PDE4B: variants seen among roughly 807,000 people sequenced by gnomAD.
PDE4B encodes 3',5'-cyclic-AMP phosphodiesterase 4B.
In PDE4B, 20 loss-of-function variants were observed where a neutral mutation model predicts 82.2. The observed-to-expected ratio is 0.24, with a 90% CI of 0.17 to 0.35. PDE4B has a LOEUF of 0.35. Among genes scored for constraint, PDE4B ranks in the 10% least tolerant of loss-of-function variants. PDE4B has a pLI of 1.00. For missense variants in PDE4B, 655 were observed against 907.2 expected, an observed-to-expected ratio of 0.72 and a Z score of 3.57; for synonymous variants, 320 against 318.9, an observed-to-expected ratio of 1.00 and a Z score of -0.04.
chr1:65,840,281 A>C (rs999200680), intron 1 of PDE4B, among the ~76,000 whole-genome samples: 8 of 152,182 alleles, frequency 5.3e-5, no homozygotes, highest in African/African-American at 1.9e-4. Flanking sequence ...TTGGACCAAG[A>C]CATCATATTC....
chr1:65,995,520 A>G (rs1171354470), intron 3 of PDE4B, among the ~76,000 whole-genome samples: 4 of 152,174 alleles, frequency 2.6e-5, no homozygotes, highest in Admixed American at 6.6e-5. Flanking sequence ...TCCAATGAAT[A>G]TAGATGGCTC....
chr1:66,164,117 T>C (rs1646671687), intron 3 of PDE4B, among the ~76,000 whole-genome samples: 1 of 152,216 alleles, frequency 6.6e-6, no homozygotes, highest in South Asian at 2.1e-4. Context: ...CAACAAGACA[T>C]GCTTTAGTAG....
At chr1:65,924,685 A>G (rs1341567133) in intron 3 of PDE4B, among the ~76,000 whole-genome samples, 1 of 152,162 alleles carries the variant, frequency 6.6e-6, no homozygotes, top group Non-Finnish European at 1.5e-5. Flanking sequence ...TACTGTAGTC[A>G]TGCATATGGG....
intron 3 of PDE4B, among the ~76,000 whole-genome samples, chr1:65,995,669 T>A (rs564342170): frequency 3.3e-5 from 5 of 152,208 alleles, no homozygotes; most frequent in Non-Finnish European, 7.3e-5. Flanking sequence ...AAGTACTTTA[T>A]TTTTGCCTCT....
intron 1 of PDE4B, among the ~76,000 whole-genome samples, chr1:65,890,798 A>C (rs141594560): frequency 1.1e-4 from 16 of 152,152 alleles, no homozygotes; most frequent in African/African-American, 3.9e-4. Flanking sequence ...CTGCAGTTCT[A>C]TATCCTCAGT....
chr1:65,892,431 C>T (rs923875902), intron 1 of PDE4B, among the ~76,000 whole-genome samples: 1 of 152,064 alleles, frequency 6.6e-6, no homozygotes, highest in Non-Finnish European at 1.5e-5. Flanking sequence ...AAGGGAATCA[C>T]CAAGCAAAAC....
chr1:65,895,619 G>T (rs1237561470), intron 1 of PDE4B, among the ~76,000 whole-genome samples: 1 of 149,696 alleles, frequency 6.7e-6, no homozygotes, highest in Non-Finnish European at 1.5e-5. Context: ...AACATTGACC[G>T]TGTTTCTCAC....
chr1:65,929,740 G>A lies in PDE4B; in HGVS notation c.281+10905G>A, dbSNP rs558324605. On this transcript the variant is annotated intron_variant, in intron 3 of 16. Coordinates refer to ENST00000341517, the MANE Select transcript of PDE4B (RefSeq NM_002600.4). The stretch of plus-strand genomic sequence containing the variant: ...CATATGGTCAAAGGTATTATGTATA[G>A]AGTCACTAAACTCCTTGCCTCTCAT... Among the ~76,000 whole-genome samples, 5 of 152,266 alleles carry A rather than the reference G, an allele frequency of 3.3e-5. No individual in the cohort carries two copies. The South Asian group carries it at 1.0e-3, about 32-fold the overall frequency.
rs140386424 is a variant in PDE4B at position 66,265,172 on chromosome 1, A to G, written c.585-866A>G. Among the ~76,000 whole-genome samples, 21 of 152,244 alleles carry G rather than the reference A, an allele frequency of 1.4e-4. 1 individual carries two copies. Among genetic ancestry groups the G allele is most frequent in the Middle Eastern group, 3.4e-3 (1 of 294 alleles). On this transcript the variant is annotated intron_variant, in intron 6 of 16. Coordinates refer to ENST00000341517, the MANE Select transcript of PDE4B (RefSeq NM_002600.4). The stretch of plus-strand genomic sequence containing the variant: ...CCATCCCAGGCCTACTGAATCAGCA[A>G]CTCTGGGGGTAGGGCCCAGCAGTGT...
intron 3 of PDE4B, among the ~76,000 whole-genome samples, chr1:65,980,905 C>T (rs973744969): frequency 6.6e-6 from 1 of 151,976 alleles, no homozygotes; most frequent in Non-Finnish European, 1.5e-5. Flanking sequence ...TCTCTTGCCT[C>T]TAAATTTTCT....
At chr1:65,882,715 T>C (rs1025345269) in intron 1 of PDE4B, among the ~76,000 whole-genome samples, 14 of 151,242 alleles carry the variant, frequency 9.3e-5, no homozygotes, top group African/African-American at 3.4e-4. Flanking sequence ...TGTACAGGGA[T>C]CAATTCATAG....
At chr1:65,983,732 C>T (rs1233492034) in intron 3 of PDE4B, among the ~76,000 whole-genome samples, 1 of 152,130 alleles carries the variant, frequency 6.6e-6, no homozygotes, top group Non-Finnish European at 1.5e-5. Context: ...AGTCTAGCTT[C>T]CAGAACAGTG....
At position 66,139,929 on chromosome 1, in the gene PDE4B, G is replaced by A. The variant is rs866236900; in HGVS notation, c.282-107531G>A. Among the ~76,000 whole-genome samples the A allele has an allele frequency of 2.0e-5, 3 of 152,204 alleles. No homozygotes were observed. In the South Asian group the frequency reaches 6.2e-4, roughly 32 times the overall value. ...GTTAGACCATTCTTTACCTATATGA[G>A]GTACTTAGTAAATAGTAGCTGCTGT... On this transcript the variant is annotated intron_variant, in intron 3 of 16. Coordinates refer to ENST00000341517, the MANE Select transcript of PDE4B (RefSeq NM_002600.4).
chr1:66,347,493 T>C (rs1361610126), intron 8 of PDE4B, among the ~76,000 whole-genome samples: 4 of 152,182 alleles, frequency 2.6e-5, no homozygotes, highest in African/African-American at 7.2e-5. Context: ...AAACAGATAA[T>C]AATATATATG....
At chr1:65,980,924 AAAAAT>A (rs1451731579) in intron 3 of PDE4B, among the ~76,000 whole-genome samples, 2 of 152,200 alleles carry the variant, frequency 1.3e-5, no homozygotes, top group African/African-American at 4.8e-5. Flanking sequence ...CTAAATTACC[AAAAAT>A]AAAATAAAAG....
intron 1 of PDE4B, among the ~76,000 whole-genome samples, chr1:65,849,275 G>T (rs1468184955): frequency 6.6e-6 from 1 of 152,166 alleles, no homozygotes; most frequent in Non-Finnish European, 1.5e-5. Context: ...GGGTTGGGAA[G>T]CTGTTGAAGT....
intron 3 of PDE4B, among the ~76,000 whole-genome samples, chr1:66,127,049 A>G (rs1645839408): frequency 6.6e-6 from 1 of 152,216 alleles, no homozygotes; most frequent in Admixed American, 6.6e-5. Context: ...TAAAAAACTA[A>G]ATGGAATATG....
At position 66,056,509 on chromosome 1, in the gene PDE4B, TATCTATCTATCTATCTATCTATC is replaced by T. The variant is rs968953915; in HGVS notation, c.281+137698_281+137720del. Among the ~76,000 whole-genome samples the T allele has an allele frequency of 2.2e-4, 16 of 73,410 alleles. No individual in the cohort carries two copies. In the South Asian group the frequency reaches 2.6e-3, roughly 12 times the overall value. 48.2% of individuals were successfully genotyped at this position (73,410 alleles called of 152,430 possible). A position where few individuals can be genotyped will look rare whatever the true frequency, so the allele number is the denominator to read the frequency against. On this transcript the variant is annotated intron_variant, in intron 3 of 16. Transcript: ENST00000341517. ...TCATCTATCTATCTATCTATCTATC[TATCTATCTATCTATCTATCTATC>T]ATCTATCTATCTATCTATCTATCTA...
At chr1:66,097,849 T>G (rs75162538) in intron 3 of PDE4B, among the ~76,000 whole-genome samples, 4,462 of 146,302 alleles carry the variant, frequency 0.03, 240 homozygotes, top group African/African-American at 0.1. Flanking sequence ...GATAATACAT[T>G]GTTTGCTGCT....
Sources: allele counts gnomAD v4.1 joint callset (sites outside exome capture counted in the v4.1 genomes callset), GRCh38; gene constraint gnomAD v4.1.1; transcripts MANE v1.5; gene names NCBI Gene and HGNC (gene_info 2026-07-23, HGNC 2026-07-21).